Variants in LINGO2 observed in about 807,000 individuals in gnomAD.
LINGO2 encodes leucine-rich repeat and immunoglobulin-like domain-containing nogo receptor-interacting protein 2.
A neutral mutation model predicts 30.6 loss-of-function variants in LINGO2; 14 were observed. The observed-to-expected ratio is 0.46, with a 90% CI of 0.30 to 0.72. The LOEUF (loss-of-function observed/expected upper bound fraction) is 0.72. LINGO2 is among the 30% of genes least tolerant of loss of function. The probability of loss-of-function intolerance (pLI) is 0.07; values close to 1 mark genes in which losing one functional copy is unlikely to be tolerated. For missense variants in LINGO2, 729 were observed against 751.7 expected, an observed-to-expected ratio of 0.97 and a Z score of 0.35; for synonymous variants, 317 against 288.5, an observed-to-expected ratio of 1.10 and a Z score of -1.00.
the LINGO2 span, among the ~76,000 whole-genome samples, chr9:29,203,462 T>A: frequency 6.6e-6 from 1 of 152,214 alleles, no homozygotes; most frequent in African/African-American, 2.4e-5. Context: ...GACCCATGTC[T>A]TATTTACATG....
At chr9:28,739,309 G>A in the LINGO2 span, among the ~76,000 whole-genome samples, 5 of 151,650 alleles carry the variant, frequency 3.3e-5, 1 homozygote, top group Non-Finnish European at 7.4e-5. Flanking sequence ...AAGAAAAATA[G>A]AAAATAAGGA....
chr9:28,430,109 CGTGT>C (rs55989705), intron 2 of LINGO2, among the ~76,000 whole-genome samples: 5 of 136,204 alleles, frequency 3.7e-5, no homozygotes, highest in South Asian at 4.4e-4. Flanking sequence ...CGCGCGCGCG[CGTGT>C]GTGTGTGTGT....
At chr9:28,305,459 A>G (rs977889788) in intron 3 of LINGO2, among the ~76,000 whole-genome samples, 1 of 151,752 alleles carries the variant, frequency 6.6e-6, no homozygotes, top group African/African-American at 2.4e-5. Flanking sequence ...CTAAGTAAAA[A>G]TCTATTGGAA....
chr9:28,102,705 C>T (rs1235953060), intron 4 of LINGO2, among the ~76,000 whole-genome samples: 1 of 152,038 alleles, frequency 6.6e-6, no homozygotes, highest in Non-Finnish European at 1.5e-5. Context: ...CCATAAAGAG[C>T]CATACGAGTT....
the LINGO2 span, among the ~76,000 whole-genome samples, chr9:28,990,549 C>A: frequency 6.6e-6 from 1 of 152,184 alleles, no homozygotes; most frequent in Non-Finnish European, 1.5e-5. Flanking sequence ...GGCAGACTGC[C>A]TTTTCAAGTG....
At chr9:28,538,357 T>C (rs183414550) in intron 1 of LINGO2, among the ~76,000 whole-genome samples, 9 of 152,232 alleles carry the variant, frequency 5.9e-5, no homozygotes, top group African/African-American at 1.9e-4. Context: ...AGACTGGTGA[T>C]TGAATTTAAA....
intron 4 of LINGO2, among the ~76,000 whole-genome samples, chr9:28,122,051 G>A (rs943020233): frequency 1.3e-5 from 2 of 152,120 alleles, no homozygotes; most frequent in African/African-American, 4.8e-5. Context: ...AGAGCTGGGA[G>A]AGGACTTAAT....
chr9:28,846,611 A>G, the LINGO2 span, among the ~76,000 whole-genome samples: 2 of 147,788 alleles, frequency 1.4e-5, no homozygotes, highest in Non-Finnish European at 3.0e-5. Context: ...GTAACTATCA[A>G]GAATGTCACT....
the LINGO2 span, among the ~76,000 whole-genome samples, chr9:28,853,975 A>G: frequency 6.6e-6 from 1 of 152,156 alleles, no homozygotes; most frequent in East Asian, 1.9e-4. Flanking sequence ...TAGGACAGTT[A>G]TGAAGATTAA....
At chr9:29,056,483 T>C in the LINGO2 span, among the ~76,000 whole-genome samples, 1 of 152,230 alleles carries the variant, frequency 6.6e-6, no homozygotes, top group Non-Finnish European at 1.5e-5. Context: ...TTGTAGATTC[T>C]AGATATTAGT....
intron 4 of LINGO2, among the ~76,000 whole-genome samples, chr9:28,065,267 A>C (rs565627494): frequency 2.0e-5 from 3 of 152,060 alleles, no homozygotes; most frequent in Admixed American, 6.6e-5. Flanking sequence ...CTGTATTCTA[A>C]TGAGGTTTGT....
At chr9:28,873,753 A>T in the LINGO2 span, among the ~76,000 whole-genome samples, 1 of 152,142 alleles carries the variant, frequency 6.6e-6, no homozygotes, top group Non-Finnish European at 1.5e-5. Flanking sequence ...TTCTACAAAA[A>T]GTAGCTGTTT....
At chr9:29,043,432 G>A in the LINGO2 span, among the ~76,000 whole-genome samples, 6 of 151,916 alleles carry the variant, frequency 3.9e-5, no homozygotes, top group East Asian at 1.9e-4. Context: ...TATAAAAATC[G>A]AAAAAGCTGA....
intron 1 of LINGO2, among the ~76,000 whole-genome samples, chr9:28,565,687 G>T (rs958694877): frequency 2.6e-5 from 4 of 151,292 alleles, no homozygotes; most frequent in Non-Finnish European, 5.9e-5. Flanking sequence ...GAGTAGCTGG[G>T]ACTACAGGCG....
At chr9:27,959,878 T>A (rs993299971) in intron 5 of LINGO2, among the ~76,000 whole-genome samples, 3 of 152,196 alleles carry the variant, frequency 2.0e-5, no homozygotes, top group African/African-American at 7.2e-5. Flanking sequence ...TTAAAATCTC[T>A]AACTATGAAT....
At chr9:28,344,928 T>G (rs751868681) in intron 3 of LINGO2, among the ~76,000 whole-genome samples, 10 of 152,154 alleles carry the variant, frequency 6.6e-5, no homozygotes, top group African/African-American at 9.7e-5. Context: ...AGCCACAGAT[T>G]ATTTTTAATT....
At chr9:28,641,733 A>G (rs1281306034) in intron 1 of LINGO2, among the ~76,000 whole-genome samples, 1 of 152,226 alleles carries the variant, frequency 6.6e-6, no homozygotes, top group Non-Finnish European at 1.5e-5. Context: ...CACAGTCAAA[A>G]TCAGGGTTAT....
chr9:28,151,930 A>G (rs1381366703), intron 4 of LINGO2, among the ~76,000 whole-genome samples: 1 of 152,204 alleles, frequency 6.6e-6, no homozygotes, highest in Non-Finnish European at 1.5e-5. Flanking sequence ...ACATTCATAT[A>G]GAAACGAAAT....
intron 1 of LINGO2, among the ~76,000 whole-genome samples, chr9:28,476,480 T>A (rs1825733963): frequency 6.6e-6 from 1 of 152,022 alleles, no homozygotes; most frequent in Non-Finnish European, 1.5e-5. Flanking sequence ...TTTCACCGTG[T>A]TAGCCAGGAT....
Sources: gnomAD v4.1 joint callset for allele counts (sites outside exome capture counted in the v4.1 genomes callset) on GRCh38, gnomAD v4.1.1 for gene constraint, MANE v1.5 for transcripts, NCBI Gene and HGNC (gene_info 2026-07-23, HGNC 2026-07-21) for gene names.